KDM7A: variants seen among roughly 807,000 people sequenced by gnomAD.
The protein encoded by KDM7A is lysine demethylase 7A, also known as lysine-specific demethylase 7A.
A neutral mutation model predicts 114.8 loss-of-function variants in KDM7A; 28 were observed. That is an observed-to-expected ratio of 0.24 (90% CI 0.18 to 0.33). KDM7A has a LOEUF of 0.33. Ranked by LOEUF, KDM7A falls within the 10% of genes least tolerant of loss-of-function variation. KDM7A has a pLI of 1.00. For missense variants in KDM7A, 942 were observed against 1,142.5 expected, an observed-to-expected ratio of 0.82 and a Z score of 2.53; for synonymous variants, 423 against 397.8, an observed-to-expected ratio of 1.06 and a Z score of -0.75.
rs1818567272 is a variant in KDM7A, at chr7:140,118,463, AT to A, written c.1246+649del. Among the ~76,000 whole-genome samples, 8 of 151,964 alleles carry A rather than the reference AT, an allele frequency of 5.3e-5. No homozygotes were observed. The South Asian group carries it at 1.7e-3, about 32-fold the overall frequency. ...TGGAGTTTTGCTCTGTCGCCATTGC[AT>A]GATCTCGGCTCAATGCAACCTCTGC... is the stretch of plus-strand genomic sequence containing the variant. On this transcript the variant is annotated intron_variant, in intron 9 of 19. Transcript: ENST00000397560.
intron 13 of KDM7A, among the ~76,000 whole-genome samples, chr7:140,099,601 A>C (rs956446033): frequency 1.3e-5 from 2 of 152,180 alleles, no homozygotes; most frequent in African/African-American, 2.4e-5. Context: ...TGGGTGAGTG[A>C]GCATTACCAC....
At chr7:140,166,168 A>G (rs140590945) in intron 1 of KDM7A, among the ~76,000 whole-genome samples, 83 of 152,102 alleles carry the variant, frequency 5.5e-4, no homozygotes, top group Non-Finnish European at 1.1e-3. Flanking sequence ...CTTGGAACAC[A>G]TATCTCCCTC....
intron 17 of KDM7A, among the ~76,000 whole-genome samples, chr7:140,096,081 T>C (rs1818104612): frequency 6.6e-6 from 1 of 152,134 alleles, no homozygotes; most frequent in South Asian, 2.1e-4. Flanking sequence ...AAGAAAACAC[T>C]ATGTGGCATG....
chr7:140,150,613 T>C (rs1407048140), intron 1 of KDM7A, among the ~76,000 whole-genome samples: 1 of 152,160 alleles, frequency 6.6e-6, no homozygotes, highest in Non-Finnish European at 1.5e-5. Context: ...TGGAAGGGCA[T>C]GTAAGAAATT....
chr7:140,100,704 A>G (rs1327695551), intron 12 of KDM7A, among the ~76,000 whole-genome samples: 3 of 34,452 alleles, frequency 8.7e-5, no homozygotes, highest in East Asian at 1.7e-3. Flanking sequence ...ATATATATAT[A>G]TATACACATA....
At chr7:140,118,162 A>G (rs573396941) in intron 9 of KDM7A, among the ~76,000 whole-genome samples, 2 of 152,376 alleles carry the variant, frequency 1.3e-5, no homozygotes. Context: ...TTATAATAGT[A>G]GCACTATTTA....
intron 7 of KDM7A, among the ~76,000 whole-genome samples, chr7:140,122,151 AT>A (rs1818626678): frequency 6.6e-6 from 1 of 152,220 alleles, no homozygotes; most frequent in Non-Finnish European, 1.5e-5. Flanking sequence ...TACTGATAGA[AT>A]TTGTGTTGCC....
intron 3 of KDM7A, among the ~76,000 whole-genome samples, chr7:140,131,415 A>G (rs1192438881): frequency 6.6e-6 from 1 of 152,208 alleles, no homozygotes; most frequent in Non-Finnish European, 1.5e-5. Flanking sequence ...CACTTATACA[A>G]TCAGATCTTA....
intron 1 of KDM7A, among the ~76,000 whole-genome samples, chr7:140,168,454 G>T (rs1402321186): frequency 2.6e-5 from 4 of 151,942 alleles, no homozygotes; most frequent in Non-Finnish European, 4.4e-5. Flanking sequence ...TATAATCCCA[G>T]CTACTCAGGA....
At chr7:140,142,964 G>C (rs1033262249) in intron 1 of KDM7A, among the ~76,000 whole-genome samples, 1 of 151,842 alleles carries the variant, frequency 6.6e-6, no homozygotes, top group Non-Finnish European at 1.5e-5. Flanking sequence ...GGCGGATCAC[G>C]AGGTCAGGAG....
At chr7:140,113,668 C>A in intron 9 of KDM7A, 86 bp from the exon 10 acceptor site, 3 of 612,814 alleles carry the variant, frequency 4.9e-6, no homozygotes, top group Non-Finnish European at 5.8e-6. Context: ...TGAGTAGCCA[C>A]CAAATATAAA....
intron 1 of KDM7A, among the ~76,000 whole-genome samples, chr7:140,171,812 CTT>C (rs1246711339): frequency 6.6e-6 from 1 of 151,722 alleles, no homozygotes; most frequent in Non-Finnish European, 1.5e-5. Flanking sequence ...CTGTGTTCAA[CTT>C]TATTATGTGT....
chr7:140,154,826 CTCA>C (rs936150195), intron 1 of KDM7A, among the ~76,000 whole-genome samples: 49 of 152,166 alleles, frequency 3.2e-4, no homozygotes, highest in African/African-American at 1.1e-3. Context: ...AATTTTCAGA[CTCA>C]TCAGCTATGA....
intron 1 of KDM7A, among the ~76,000 whole-genome samples, chr7:140,157,701 T>C (rs1004028056): frequency 6.6e-6 from 1 of 151,704 alleles, no homozygotes; most frequent in African/African-American, 2.4e-5. Context: ...TGGTGGCTCA[T>C]GCCTGTAATC....
At chr7:140,129,128 G>C (rs1462699506) in intron 4 of KDM7A, among the ~76,000 whole-genome samples, 1 of 152,110 alleles carries the variant, frequency 6.6e-6, no homozygotes, top group African/African-American at 2.4e-5. Flanking sequence ...CTGGGATCTG[G>C]GAATTTTGCA....
At chr7:140,170,972 C>A (rs1212597231) in intron 1 of KDM7A, among the ~76,000 whole-genome samples, 3 of 152,058 alleles carry the variant, frequency 2.0e-5, no homozygotes, top group East Asian at 3.9e-4. Context: ...CATCTGTAAT[C>A]CCAGCTACTT....
rs928950030 is a variant in KDM7A at position 140,085,889 on chromosome 7, A to G, written c.*5205T>C. The stretch of plus-strand genomic sequence containing the variant: ...GAATTAACTCCTCATTATATTTTAC[A>G]TTTAATGCTGGTAAGTTTTACCAAC... On this transcript the variant is annotated 3_prime_UTR_variant, in exon 20 of 20. Coordinates refer to ENST00000397560, the MANE Select transcript of KDM7A (RefSeq NM_030647.2). The G allele has an allele frequency of 3.9e-5, 6 of 152,234 alleles. No individual in the cohort carries two copies. Among genetic ancestry groups the G allele is most frequent in the African/African-American group, 1.4e-4 (6 of 41,454 alleles). The allele number at this position is 152,234 out of a possible 1,614,324, so 9.4% of individuals were successfully genotyped here.
intron 1 of KDM7A, among the ~76,000 whole-genome samples, chr7:140,166,958 C>G (rs1245040619): frequency 6.6e-6 from 1 of 151,942 alleles, no homozygotes; most frequent in Non-Finnish European, 1.5e-5. Context: ...CAATAACCAA[C>G]AGCAAACAAT....
chr7:140,143,104 C>T (rs1364498250), intron 1 of KDM7A, among the ~76,000 whole-genome samples: 3 of 147,946 alleles, frequency 2.0e-5, no homozygotes, highest in Non-Finnish European at 4.5e-5. Flanking sequence ...GGCATGAACT[C>T]GGGAGGCGGA....
Sources: allele counts gnomAD v4.1 joint callset (sites outside exome capture counted in the v4.1 genomes callset), GRCh38; gene constraint gnomAD v4.1.1; transcripts MANE v1.5; gene names NCBI Gene and HGNC (gene_info 2026-07-23, HGNC 2026-07-21).